Variants in LRRTM4 observed in about 807,000 individuals in gnomAD.
LRRTM4 encodes leucine-rich repeat transmembrane neuronal protein 4.
A neutral mutation model predicts 47.6 loss-of-function variants in LRRTM4; 25 were observed. The ratio of observed to expected loss-of-function variants is 0.53; its 90% CI spans 0.38 to 0.73. The LOEUF (loss-of-function observed/expected upper bound fraction) is 0.73. Among genes scored for constraint, LRRTM4 ranks in the 30% least tolerant of loss-of-function variants. The pLI, the probability that LRRTM4 is intolerant of heterozygous loss-of-function variation, is 0.00. For missense variants in LRRTM4, 638 were observed against 713.4 expected (o/e 0.89, Z 1.20); for synonymous variants, 311 against 269.5 (o/e 1.15, Z -1.51).
At chr2:77,246,364 G>A (rs886184350) in intron 3 of LRRTM4, among the ~76,000 whole-genome samples, 8 of 152,058 alleles carry the variant, frequency 5.3e-5, no homozygotes, top group East Asian at 1.9e-4. Context: ...GTGACATTTC[G>A]CCAATATATA....
At chr2:77,366,330 CT>C (rs1672458782) in intron 3 of LRRTM4, among the ~76,000 whole-genome samples, 2 of 151,822 alleles carry the variant, frequency 1.3e-5, no homozygotes, top group Non-Finnish European at 2.9e-5. Flanking sequence ...GTTTTTGTCC[CT>C]ATTTTTCTCT....
intron 3 of LRRTM4, among the ~76,000 whole-genome samples, chr2:77,156,223 CA>C (rs1437410681): frequency 6.8e-6 from 1 of 148,140 alleles, no homozygotes; most frequent in Admixed American, 6.8e-5. Context: ...TACTATTTAG[CA>C]AATAGAAGCA....
intron 3 of LRRTM4, among the ~76,000 whole-genome samples, chr2:77,310,484 C>T (rs983715343): frequency 6.6e-6 from 1 of 152,084 alleles, no homozygotes; most frequent in Non-Finnish European, 1.5e-5. Context: ...GCCAGCCTCA[C>T]GGACTATGTG....
chr2:77,168,290 A>G (rs1672947588), intron 3 of LRRTM4, among the ~76,000 whole-genome samples: 1 of 152,012 alleles, frequency 6.6e-6, no homozygotes, highest in African/African-American at 2.4e-5. Context: ...AACATATTTT[A>G]GAAAATATTT....
chr2:77,023,863 G>C lies in LRRTM4; in HGVS notation c.1552-274947C>G, dbSNP rs12328657. Among the ~76,000 whole-genome samples the C allele has an allele frequency of 8.9e-3, 1,353 of 152,066 alleles. 21 individuals carry two copies. Among genetic ancestry groups the C allele is most frequent in the African/African-American group, 0.031 (1,305 of 41,474 alleles). Reference sequence around the variant, plus strand: ...TCCAAAGTCACTTCCACATTTTCAGGTATCTTTTCAGCAATGCCCCACTCT... The same window carrying C: ...TCCAAAGTCACTTCCACATTTTCAGCTATCTTTTCAGCAATGCCCCACTCT... On this transcript the variant is annotated intron_variant, in intron 3 of 3. Coordinates refer to ENST00000409884, the MANE Select transcript of LRRTM4 (RefSeq NM_001134745.3).
chr2:77,213,522 G>A (rs1674353430), intron 3 of LRRTM4, among the ~76,000 whole-genome samples: 1 of 151,948 alleles, frequency 6.6e-6, no homozygotes, highest in Admixed American at 6.6e-5. Context: ...GAAGTACCTG[G>A]TACACAGTAC....
At chr2:77,224,634 G>C (rs1011705698) in intron 3 of LRRTM4, among the ~76,000 whole-genome samples, 1 of 152,194 alleles carries the variant, frequency 6.6e-6, no homozygotes, top group Admixed American at 6.5e-5. Context: ...CTGGCGGTCA[G>C]AGAAATGCAA....
rs1376891561 is a variant in LRRTM4, at chr2:77,382,732, T to C, written c.1551+135586A>G. On this transcript the variant is annotated intron_variant, in intron 3 of 3. Coordinates refer to ENST00000409884, the MANE Select transcript of LRRTM4 (RefSeq NM_001134745.3). ...TCTGCTGAATTTTCTGCTCAGATCA[T>C]TTTAGATTAGAATAAATTGATCTTG... is the stretch of plus-strand genomic sequence containing the variant. Among the ~76,000 whole-genome samples, 3 of 152,140 alleles carry C rather than the reference T, an allele frequency of 2.0e-5. No homozygotes were observed. The East Asian group carries it at 5.8e-4, about 29-fold the overall frequency.
At chr2:77,228,255 A>C (rs530111784) in intron 3 of LRRTM4, among the ~76,000 whole-genome samples, 9 of 152,174 alleles carry the variant, frequency 5.9e-5, no homozygotes, top group African/African-American at 2.2e-4. Flanking sequence ...CACATAATAA[A>C]TTTATATTTA....
intron 3 of LRRTM4, among the ~76,000 whole-genome samples, chr2:77,336,339 G>A (rs569164182): frequency 4.6e-5 from 7 of 151,366 alleles, no homozygotes; most frequent in African/African-American, 1.5e-4. Flanking sequence ...GAAGGAAGGG[G>A]CACATTTTTG....
At chr2:76,904,942 G>A (rs543567692) in intron 3 of LRRTM4, among the ~76,000 whole-genome samples, 66 of 152,280 alleles carry the variant, frequency 4.3e-4, no homozygotes, top group South Asian at 2.3e-3. Context: ...CAGTGTGAGC[G>A]ACGCAGAAGA....
intron 3 of LRRTM4, among the ~76,000 whole-genome samples, chr2:77,301,614 G>C (rs1347320076): frequency 3.3e-5 from 5 of 152,128 alleles, no homozygotes; most frequent in African/African-American, 1.2e-4. Context: ...ATATTCCTCT[G>C]AGAGTTGAAC....
At chr2:76,831,175 G>T (rs1446452784) in intron 3 of LRRTM4, among the ~76,000 whole-genome samples, 1 of 152,056 alleles carries the variant, frequency 6.6e-6, no homozygotes, top group African/African-American at 2.4e-5. Flanking sequence ...AATTCTGAGT[G>T]TATCTATATA....
In LRRTM4 at chr2:77,016,126, G is replaced by A. The variant is rs1413878863; in HGVS notation, c.1552-267210C>T. ...CAAAAATCCGGGAGCAGTGGCTCAT[G>A]CCTATAATCCCAGCACTTTGGGAGG... is the stretch of plus-strand genomic sequence containing the variant. On this transcript the variant is annotated intron_variant, in intron 3 of 3. Coordinates refer to ENST00000409884, the MANE Select transcript of LRRTM4 (RefSeq NM_001134745.3). Among the ~76,000 whole-genome samples, 3 of 151,998 alleles carry A rather than the reference G, an allele frequency of 2.0e-5. No homozygotes were observed. The East Asian group carries it at 5.8e-4, about 30-fold the overall frequency.
intron 3 of LRRTM4, among the ~76,000 whole-genome samples, chr2:76,807,369 A>C (rs1670516850): frequency 6.9e-6 from 1 of 144,044 alleles, no homozygotes; most frequent in East Asian, 2.0e-4. Flanking sequence ...AATATGCATT[A>C]TAAACATTCA....
chr2:77,222,150 G>A (rs1475412537), intron 3 of LRRTM4, among the ~76,000 whole-genome samples: 1 of 152,140 alleles, frequency 6.6e-6, no homozygotes, highest in Non-Finnish European at 1.5e-5. Context: ...GATGTTCTTT[G>A]AAACCAATGA....
At chr2:77,324,505 A>G (rs1670681882) in intron 3 of LRRTM4, among the ~76,000 whole-genome samples, 1 of 151,572 alleles carries the variant, frequency 6.6e-6, no homozygotes. Context: ...ACGCTTTTCT[A>G]GATTTTTTTT....
intron 3 of LRRTM4, among the ~76,000 whole-genome samples, chr2:76,953,582 T>C (rs2103892743): frequency 6.6e-6 from 1 of 151,938 alleles, no homozygotes; most frequent in South Asian, 2.1e-4. Context: ...CTAGGAGCAC[T>C]GAGAGTTAAC....
intron 3 of LRRTM4, among the ~76,000 whole-genome samples, chr2:77,309,353 A>G (rs1397656292): frequency 1.3e-5 from 2 of 152,224 alleles, no homozygotes; most frequent in Non-Finnish European, 2.9e-5. Context: ...CTTCTAAGCT[A>G]TGTAAAAACA....
Sources: gnomAD v4.1 joint callset for allele counts (sites outside exome capture counted in the v4.1 genomes callset) on GRCh38, gnomAD v4.1.1 for gene constraint, MANE v1.5 for transcripts, NCBI Gene and HGNC (gene_info 2026-07-23, HGNC 2026-07-21) for gene names.